The following TBC1D22A variants were observed in gnomAD, a reference collection of about 807,000 sequenced individuals.
TBC1D22A encodes putative GTPase activator.
TBC1D22A carries 38 observed loss-of-function variants against 60.2 expected under a neutral mutation model. The observed-to-expected ratio is 0.63, with a 90% CI of 0.49 to 0.83. The LOEUF (loss-of-function observed/expected upper bound fraction) is 0.83. TBC1D22A is among the 40% of genes least tolerant of loss of function. The probability of loss-of-function intolerance (pLI) is 0.00; values close to 1 mark genes in which losing one functional copy is unlikely to be tolerated. For synonymous variants in TBC1D22A, 302 were observed against 281.7 expected (o/e 1.07, Z -0.72); for missense variants, 628 against 701.0 (o/e 0.90, Z 1.18).
chr22:47,092,418 G>C (rs2065013245), intron 11 of TBC1D22A, among the ~76,000 whole-genome samples: 1 of 152,194 alleles, frequency 6.6e-6, no homozygotes, highest in African/African-American at 2.4e-5. Context: ...CACTTCCCAG[G>C]CTGGGAGAGC....
At chr22:46,770,469 A>G (rs2083445831) in intron 1 of TBC1D22A, among the ~76,000 whole-genome samples, 1 of 152,228 alleles carries the variant, frequency 6.6e-6, no homozygotes, top group Non-Finnish European at 1.5e-5. Flanking sequence ...AATTTGTTAC[A>G]GCAGCTGTGA....
At chr22:46,900,715 A>C (rs576519350) in intron 7 of TBC1D22A, among the ~76,000 whole-genome samples, 15 of 152,322 alleles carry the variant, frequency 9.8e-5, no homozygotes, top group African/African-American at 3.6e-4. Context: ...TGTTGCAAGG[A>C]TCAGGAGTTC....
intron 11 of TBC1D22A, among the ~76,000 whole-genome samples, chr22:47,044,306 C>T (rs2062959766): frequency 6.6e-6 from 1 of 152,234 alleles, no homozygotes; most frequent in Non-Finnish European, 1.5e-5. Flanking sequence ...TCTGGGTGTC[C>T]TCAGCCCTGC....
At chr22:46,857,291 T>C (rs2087617288) in intron 4 of TBC1D22A, among the ~76,000 whole-genome samples, 1 of 152,218 alleles carries the variant, frequency 6.6e-6, no homozygotes, top group Non-Finnish European at 1.5e-5. Context: ...AGAAGCACTG[T>C]CCAGACTGAA....
intron 2 of TBC1D22A, chr22:46,792,888 C>T: frequency 7.0e-7 from 1 of 1,420,712 alleles, no homozygotes; most frequent in Non-Finnish European, 9.2e-7. Flanking sequence ...CTGGCTTGTC[C>T]TTTCCCCTCC....
intron 10 of TBC1D22A, among the ~76,000 whole-genome samples, chr22:47,031,167 C>T (rs535042997): frequency 6.6e-5 from 10 of 152,278 alleles, no homozygotes; most frequent in South Asian, 2.1e-4. Context: ...TCTGGGTGGG[C>T]GTGGGTTTTG....
chr22:47,145,449 G>A (rs1245005047), intron 12 of TBC1D22A, among the ~76,000 whole-genome samples: 5 of 152,204 alleles, frequency 3.3e-5, no homozygotes, highest in Middle Eastern at 3.2e-3. Context: ...CACAGGTGTG[G>A]TGACAACCAG....
At chr22:46,948,392 C>G (rs2072683519) in intron 8 of TBC1D22A, among the ~76,000 whole-genome samples, 1 of 152,210 alleles carries the variant, frequency 6.6e-6, no homozygotes, top group Non-Finnish European at 1.5e-5. Flanking sequence ...CAGGGTCATG[C>G]CTTTGTAGTC....
chr22:47,115,461 G>A (rs1041137143), intron 12 of TBC1D22A, among the ~76,000 whole-genome samples: 1 of 151,234 alleles, frequency 6.6e-6, no homozygotes, highest in Non-Finnish European at 1.5e-5. Flanking sequence ...AGCATGGACT[G>A]TGCCTTCCAT....
chr22:46,852,950 G>T (rs1304730993), intron 4 of TBC1D22A, among the ~76,000 whole-genome samples: 1 of 152,162 alleles, frequency 6.6e-6, no homozygotes, highest in Non-Finnish European at 1.5e-5. Context: ...GGGTCCCCTG[G>T]CGCTCTTGTG....
At chr22:47,122,403 G>C (rs942897795) in intron 12 of TBC1D22A, among the ~76,000 whole-genome samples, 2 of 152,170 alleles carry the variant, frequency 1.3e-5, no homozygotes, top group Admixed American at 1.3e-4. Context: ...CAGAGGAGGG[G>C]GTGAGTGTGG....
At chr22:46,809,917 C>T (rs556837064) in intron 4 of TBC1D22A, among the ~76,000 whole-genome samples, 1 of 152,296 alleles carries the variant, frequency 6.6e-6, no homozygotes, top group South Asian at 2.1e-4. Context: ...CCTCCTCTCC[C>T]ATGCTGCTAT....
intron 11 of TBC1D22A, among the ~76,000 whole-genome samples, chr22:47,047,823 C>T (rs149299533): frequency 7.7e-4 from 117 of 152,350 alleles, no homozygotes; most frequent in Non-Finnish European, 1.4e-3. Context: ...AGGCTCCTGC[C>T]GTCTGCCTCT....
At chr22:46,988,866 C>A (rs1363565405) in intron 9 of TBC1D22A, among the ~76,000 whole-genome samples, 1 of 152,216 alleles carries the variant, frequency 6.6e-6, no homozygotes, top group African/African-American at 2.4e-5. Flanking sequence ...GAGGCATTGA[C>A]TCCTCCTCTC....
chr22:46,949,101 A>G (rs1357190205), intron 8 of TBC1D22A, among the ~76,000 whole-genome samples: 1 of 152,128 alleles, frequency 6.6e-6, no homozygotes, highest in Non-Finnish European at 1.5e-5. Context: ...AGGGAGCACA[A>G]ATTTGGGCTC....
rs113532922 is a variant in TBC1D22A at position 46,992,397 on chromosome 22, A to G, written c.1126-5237A>G. Among the ~76,000 whole-genome samples the G allele has an allele frequency of 4.2e-3, 633 of 152,370 alleles. 2 individuals carry two copies. Among genetic ancestry groups the G allele is most frequent in the Non-Finnish European group, 7.0e-3 (478 of 68,030 alleles). On this transcript the variant is annotated intron_variant, in intron 9 of 12. Transcript: ENST00000337137. ...GGCATGCGGACACTCTCTGCTTGGC[A>G]TGTGCCCAAATGCAGCCTCCCAGGA...
intron 10 of TBC1D22A, among the ~76,000 whole-genome samples, chr22:47,006,219 G>T (rs1602957528): frequency 6.6e-6 from 1 of 152,184 alleles, no homozygotes; most frequent in South Asian, 2.1e-4. Context: ...TCCAGGAGAG[G>T]TTATTGTTGG....
chr22:47,098,472 A>G (rs1603265929), intron 11 of TBC1D22A, among the ~76,000 whole-genome samples: 1 of 151,352 alleles, frequency 6.6e-6, no homozygotes, highest in South Asian at 2.1e-4. Flanking sequence ...GGAACTGGAC[A>G]CTCTTCCCTG....
intron 4 of TBC1D22A, among the ~76,000 whole-genome samples, chr22:46,869,083 A>G (rs1190017875): frequency 6.6e-6 from 1 of 152,236 alleles, no homozygotes; most frequent in East Asian, 1.9e-4. Flanking sequence ...TCTGCTGTCC[A>G]TCCTTCACAT....
Sources: allele counts gnomAD v4.1 joint callset (sites outside exome capture counted in the v4.1 genomes callset), GRCh38; gene constraint gnomAD v4.1.1; transcripts MANE v1.5; gene names NCBI Gene and HGNC (gene_info 2026-07-23, HGNC 2026-07-21).